Variants in GRIN2B observed in about 807,000 individuals in gnomAD.
GRIN2B encodes glutamate ionotropic receptor NMDA type subunit 2B.
In GRIN2B, 5 loss-of-function variants were observed where a neutral mutation model predicts 114.5. The observed-to-expected ratio is 0.04, with a 90% CI of 0.02 to 0.09. GRIN2B has a LOEUF of 0.09. GRIN2B is among the 10% of genes least tolerant of loss of function. The pLI, the probability that GRIN2B is intolerant of heterozygous loss-of-function variation, is 1.00. For synonymous variants in GRIN2B, 787 were observed against 745.1 expected (o/e 1.06, Z -0.92); for missense variants, 1,108 against 1,943.5 (o/e 0.57, Z 8.08).
intron 4 of GRIN2B, among the ~76,000 whole-genome samples, chr12:13,731,117 C>A (rs974226652): frequency 3.3e-5 from 5 of 152,138 alleles, no homozygotes; most frequent in South Asian, 2.1e-4. Flanking sequence ...CTCAGCTGGG[C>A]CACTGACAGT....
At chr12:13,641,172 A>C (rs1359888185) in intron 5 of GRIN2B, among the ~76,000 whole-genome samples, 1 of 152,028 alleles carries the variant, frequency 6.6e-6, no homozygotes, top group African/African-American at 2.4e-5. Flanking sequence ...CCTGGGTTCA[A>C]GTAATTCTCT....
intron 5 of GRIN2B, among the ~76,000 whole-genome samples, chr12:13,620,308 C>T (rs1301330520): frequency 1.3e-5 from 2 of 152,186 alleles, no homozygotes; most frequent in Non-Finnish European, 2.9e-5. Flanking sequence ...TCCTTACGGG[C>T]CTGCTCACTG....
At chr12:13,743,787 C>T (rs1165929225) in intron 4 of GRIN2B, among the ~76,000 whole-genome samples, 1 of 151,966 alleles carries the variant, frequency 6.6e-6, no homozygotes, top group African/African-American at 2.4e-5. Context: ...GTATGAAAAT[C>T]CTCACTTTAA....
At chr12:13,816,963 C>T (rs1320263467) in intron 3 of GRIN2B, among the ~76,000 whole-genome samples, 1 of 152,136 alleles carries the variant, frequency 6.6e-6, no homozygotes, top group Non-Finnish European at 1.5e-5. Flanking sequence ...TAATCCCATG[C>T]ATTGGGTTCT....
At chr12:13,981,010 G>A (rs937574121) in intron 1 of GRIN2B, among the ~76,000 whole-genome samples, 15 of 152,160 alleles carry the variant, frequency 9.9e-5, no homozygotes, top group African/African-American at 3.1e-4. Context: ...CAGCGCACGG[G>A]GCTTCACCTG....
intron 4 of GRIN2B, among the ~76,000 whole-genome samples, chr12:13,733,472 G>A (rs1173116216): frequency 6.6e-6 from 1 of 152,128 alleles, no homozygotes; most frequent in Non-Finnish European, 1.5e-5. Flanking sequence ...GAGGCAAGGA[G>A]AATATAAAAT....
At chr12:13,637,699 T>C (rs1290616381) in intron 5 of GRIN2B, among the ~76,000 whole-genome samples, 1 of 152,198 alleles carries the variant, frequency 6.6e-6, no homozygotes, top group African/African-American at 2.4e-5. Context: ...AGGACCCTGA[T>C]GAAAAGATTT....
At chr12:13,710,011 T>A (rs1269881294) in intron 4 of GRIN2B, among the ~76,000 whole-genome samples, 2 of 151,892 alleles carry the variant, frequency 1.3e-5, no homozygotes, top group Non-Finnish European at 2.9e-5. Context: ...AGCCAAAAAC[T>A]AGAAACAGCC....
At chr12:13,944,474 T>C (rs1029122968) in intron 2 of GRIN2B, among the ~76,000 whole-genome samples, 11 of 152,230 alleles carry the variant, frequency 7.2e-5, no homozygotes, top group African/African-American at 2.4e-4. Context: ...CACCTCTTGC[T>C]CTGTAGCCAG....
At chr12:13,743,995 T>A (rs748428375) in intron 4 of GRIN2B, among the ~76,000 whole-genome samples, 3 of 152,174 alleles carry the variant, frequency 2.0e-5, no homozygotes, top group Non-Finnish European at 4.4e-5. Flanking sequence ...CTGTTGCTTG[T>A]CAGGGGAGAA....
In GRIN2B at chr12:13,888,283, C is replaced by T. The variant is rs114017393; in HGVS notation, c.-18-22057G>A. ...TGGTATAGCTTACTACACACCTAGG[C>T]TCTGTGGTATAGTCTATTGCTCCTC... On this transcript the variant is annotated intron_variant, in intron 2 of 13. Transcript: ENST00000609686. Among the ~76,000 whole-genome samples, 822 of 152,168 alleles carry T rather than the reference C, an allele frequency of 5.4e-3. 4 individuals carry two copies. The highest frequency in any genetic ancestry group is 0.019 in the African/African-American group (787 of 41,502).
rs1381659904 is a variant in GRIN2B, at chr12:13,552,840, C to A, written c.*9943G>T. ...CAAGTTGTCACAAGTTTTGCCCTAC[C>A]TTGCCAATAATAATTGTCCTACCCA... On this transcript the variant is annotated 3_prime_UTR_variant, in exon 14 of 14. Transcript: ENST00000609686. 1 of 152,088 alleles carries A rather than the reference C, an allele frequency of 6.6e-6. No homozygotes were observed. Among genetic ancestry groups the A allele is most frequent in the African/African-American group, 2.4e-5 (1 of 41,412 alleles). The allele number at this position is 152,088 out of a possible 1,614,324, so 9.4% of individuals were successfully genotyped here.
intron 3 of GRIN2B, among the ~76,000 whole-genome samples, chr12:13,846,726 A>T (rs1865478787): frequency 6.6e-6 from 1 of 152,232 alleles, no homozygotes; most frequent in Non-Finnish European, 1.5e-5. Context: ...ATGAATGAGG[A>T]AACATATTTG....
intron 3 of GRIN2B, among the ~76,000 whole-genome samples, chr12:13,835,208 T>A (rs933678777): frequency 4.6e-5 from 7 of 152,220 alleles, no homozygotes; most frequent in African/African-American, 1.7e-4. Context: ...CTTCTCTTTT[T>A]CTTTTTTTAA....
intron 8 of GRIN2B, among the ~76,000 whole-genome samples, chr12:13,612,204 C>T (rs1368661064): frequency 6.6e-6 from 1 of 152,216 alleles, no homozygotes; most frequent in Non-Finnish European, 1.5e-5. Context: ...AATTTATGTT[C>T]TCATCTATAT....
At chr12:13,826,693 C>T (rs913765176) in intron 3 of GRIN2B, among the ~76,000 whole-genome samples, 2 of 151,696 alleles carry the variant, frequency 1.3e-5, no homozygotes, top group Non-Finnish European at 2.9e-5. Context: ...CTTCAATATA[C>T]ATCATAAACC....
At chr12:13,642,936 G>T (rs1949732985) in intron 5 of GRIN2B, among the ~76,000 whole-genome samples, 1 of 152,100 alleles carries the variant, frequency 6.6e-6, no homozygotes, top group Non-Finnish European at 1.5e-5. Flanking sequence ...TGATTGCATG[G>T]CTACCTAGCT....
intron 5 of GRIN2B, among the ~76,000 whole-genome samples, chr12:13,636,118 C>G (rs1949663675): frequency 6.6e-6 from 1 of 152,116 alleles, no homozygotes; most frequent in Non-Finnish European, 1.5e-5. Flanking sequence ...GACATGTGAG[C>G]AGAGGCTTGA....
rs1948349068 is a variant in GRIN2B at position 13,546,767 on chromosome 12, A to T, written c.*16016T>A. On this transcript the variant is annotated 3_prime_UTR_variant, in exon 14 of 14. Transcript: ENST00000609686. ...CTGAGGATAGTGTCACATTACCAGCATGTTCAAGCTAGACATCCTCCATCA... is the reference window on the plus strand; with the variant it reads ...CTGAGGATAGTGTCACATTACCAGCTTGTTCAAGCTAGACATCCTCCATCA... 6.6e-6 allele frequency: 1 copy of T among 152,194 alleles called. No homozygotes were observed. The highest frequency in any genetic ancestry group is 2.4e-5 in the African/African-American group (1 of 41,452). The allele number at this position is 152,194 out of a possible 1,614,324, so 9.4% of individuals were successfully genotyped here. A position where few individuals can be genotyped will look rare whatever the true frequency, so the allele number is the denominator to read the frequency against.
Sources: allele counts gnomAD v4.1 joint callset (sites outside exome capture counted in the v4.1 genomes callset), GRCh38; gene constraint gnomAD v4.1.1; transcripts MANE v1.5; gene names NCBI Gene and HGNC (gene_info 2026-07-23, HGNC 2026-07-21).